The following XKR4 variants were observed in gnomAD, a reference collection of about 807,000 sequenced individuals.
XKR4 encodes XK-related protein 4.
Under a neutral mutation model 53.9 loss-of-function variants are expected in XKR4, and 12 were observed. The ratio of observed to expected loss-of-function variants is 0.22; its 90% confidence interval spans 0.14 to 0.36. The LOEUF is 0.36. Among genes scored for constraint, XKR4 ranks in the 10% least tolerant of loss-of-function variants. The probability of loss-of-function intolerance (pLI) is 1.00; values close to 1 mark genes in which losing one functional copy is unlikely to be tolerated. For missense variants in XKR4, 799 were observed against 859.5 expected, an observed-to-expected ratio of 0.93 and a Z score of 0.88; for synonymous variants, 354 against 362.4, an observed-to-expected ratio of 0.98 and a Z score of 0.26.
At chr8:55,449,514 C>G in intron 2 of XKR4, 1 of 1,438,050 alleles carries the variant, frequency 7.0e-7, no homozygotes, top group Non-Finnish European at 9.7e-7. Context: ...GAGGCTCAGG[C>G]GTCCGACAGT....
chr8:55,150,858 G>A (rs1052301785), intron 1 of XKR4, among the ~76,000 whole-genome samples: 5 of 152,168 alleles, frequency 3.3e-5, no homozygotes, highest in African/African-American at 4.8e-5. Context: ...TGGAAAAAAA[G>A]AAGGCATATA....
At chr8:55,437,352 G>T (rs1186855981) in intron 2 of XKR4, among the ~76,000 whole-genome samples, 1 of 152,078 alleles carries the variant, frequency 6.6e-6, no homozygotes, top group Non-Finnish European at 1.5e-5. Context: ...TATTAAGGGA[G>T]GAGGTTTCTA....
At chr8:55,479,187 A>G (rs1017785644) in intron 2 of XKR4, among the ~76,000 whole-genome samples, 1 of 152,116 alleles carries the variant, frequency 6.6e-6, no homozygotes, top group African/African-American at 2.4e-5. Context: ...GACAGAAATT[A>G]TAACAAACTG....
chr8:55,387,176 TG>T (rs1802835298), intron 2 of XKR4, among the ~76,000 whole-genome samples: 1 of 152,236 alleles, frequency 6.6e-6, no homozygotes, highest in South Asian at 2.1e-4. Flanking sequence ...AAGTACCCTA[TG>T]GTCTGATCTG....
At chr8:55,442,054 A>T (rs1216091586) in intron 2 of XKR4, among the ~76,000 whole-genome samples, 1 of 152,064 alleles carries the variant, frequency 6.6e-6, no homozygotes, top group Non-Finnish European at 1.5e-5. Flanking sequence ...ATTAACAAAA[A>T]TTTTTTTCTT....
chr8:55,472,004 G>A (rs1585593074), intron 2 of XKR4, among the ~76,000 whole-genome samples: 2 of 152,074 alleles, frequency 1.3e-5, no homozygotes, highest in Admixed American at 6.6e-5. Context: ...CAAACACAGT[G>A]GTGCATACAG....
At chr8:55,455,419 C>T (rs1805555081) in intron 2 of XKR4, among the ~76,000 whole-genome samples, 1 of 152,134 alleles carries the variant, frequency 6.6e-6, no homozygotes, top group Non-Finnish European at 1.5e-5. Context: ...CCCCCTCAGT[C>T]AGTAAGAACA....
At position 55,539,718 on chromosome 8, in the gene XKR4, C is replaced by G. The variant is rs1807075334; in HGVS notation, c.*15491C>G. ...CCCACTTCCTAGTATCAATACTCCC[C>G]CAACCAGAAATGCAGCAGAATATCC... On this transcript the variant is annotated 3_prime_UTR_variant, in exon 3 of 3. Coordinates refer to ENST00000327381, the MANE Select transcript of XKR4 (RefSeq NM_052898.2). 1 of 152,122 alleles carries G rather than the reference C, an allele frequency of 6.6e-6. No individual in the cohort carries two copies. Among genetic ancestry groups the G allele is most frequent in the Admixed American group, 6.5e-5 (1 of 15,268 alleles). The allele number at this position is 152,122 out of a possible 1,614,324, so 9.4% of individuals were successfully genotyped here.
At chr8:55,493,191 G>C (rs751429814) in intron 2 of XKR4, among the ~76,000 whole-genome samples, 1 of 152,158 alleles carries the variant, frequency 6.6e-6, no homozygotes, top group African/African-American at 2.4e-5. Flanking sequence ...GGAGCTAAAG[G>C]AGCAAAAATT....
chr8:55,494,767 A>G (rs1181098428), intron 2 of XKR4, among the ~76,000 whole-genome samples: 2 of 151,986 alleles, frequency 1.3e-5, no homozygotes, highest in Non-Finnish European at 2.9e-5. Context: ...TGGGGTTTTT[A>G]TGGACCTCAG....
At chr8:55,184,410 T>C (rs919606252) in intron 1 of XKR4, among the ~76,000 whole-genome samples, 1 of 152,242 alleles carries the variant, frequency 6.6e-6, no homozygotes, top group Non-Finnish European at 1.5e-5. Context: ...GTTGCCACCA[T>C]ATTACTCAGC....
chr8:55,428,646 G>T (rs1360343568), intron 2 of XKR4, among the ~76,000 whole-genome samples: 1 of 152,196 alleles, frequency 6.6e-6, no homozygotes, highest in Admixed American at 6.5e-5. Flanking sequence ...ACATGAGACT[G>T]CATGGGGAGC....
intron 1 of XKR4, among the ~76,000 whole-genome samples, chr8:55,209,201 TTATGTGTGTG>T (rs1254227363): frequency 2.6e-5 from 1 of 38,514 alleles, no homozygotes; most frequent in African/African-American, 9.7e-5. Context: ...AGCAGTGTGT[TTATGTGTGTG>T]TGTGTGTGTG....
intron 2 of XKR4, among the ~76,000 whole-genome samples, chr8:55,471,133 C>T (rs866652805): frequency 6.6e-6 from 1 of 152,104 alleles, no homozygotes; most frequent in East Asian, 1.9e-4. Flanking sequence ...GCAGCAGCCA[C>T]ATTTAAAGTG....
chr8:55,271,861 G>A (rs1585979396), intron 1 of XKR4, among the ~76,000 whole-genome samples: 1 of 152,166 alleles, frequency 6.6e-6, no homozygotes, highest in South Asian at 2.1e-4. Flanking sequence ...AGAGCAATCT[G>A]ACCTCCTGCA....
At chr8:55,179,316 C>T (rs1393317106) in intron 1 of XKR4, among the ~76,000 whole-genome samples, 3 of 152,136 alleles carry the variant, frequency 2.0e-5, no homozygotes, top group Non-Finnish European at 4.4e-5. Context: ...CTCACTCATC[C>T]TGCATTGAGT....
intron 1 of XKR4, among the ~76,000 whole-genome samples, chr8:55,118,298 T>C (rs1585887652): frequency 6.6e-6 from 1 of 152,230 alleles, no homozygotes; most frequent in African/African-American, 2.4e-5. Flanking sequence ...ATGTGAATAG[T>C]ACATCATTAG....
chr8:55,368,812 G>T (rs556683913), intron 2 of XKR4, among the ~76,000 whole-genome samples: 1 of 152,254 alleles, frequency 6.6e-6, no homozygotes, highest in South Asian at 2.1e-4. Flanking sequence ...ACTTCAGTTT[G>T]TATTGGCTTT....
chr8:55,271,771 A>C (rs766120963), intron 1 of XKR4, among the ~76,000 whole-genome samples: 20 of 152,212 alleles, frequency 1.3e-4, no homozygotes, highest in Non-Finnish European at 2.5e-4. Context: ...TCAGGGACAC[A>C]GTCAGTTATT....
Sources: gnomAD v4.1 joint callset for allele counts (sites outside exome capture counted in the v4.1 genomes callset) on GRCh38, gnomAD v4.1.1 for gene constraint, MANE v1.5 for transcripts, NCBI Gene and HGNC (gene_info 2026-07-23, HGNC 2026-07-21) for gene names.